Variants in ZNF618 observed in about 807,000 individuals in gnomAD.
The protein encoded by ZNF618 is zinc finger protein 618, also known as neural precursor cell expressed, developmentally down-regulated 10.
Under a neutral mutation model 103.0 loss-of-function variants are expected in ZNF618, and 34 were observed. The ratio of observed to expected loss-of-function variants is 0.33; its 90% CI spans 0.25 to 0.44. The LOEUF (loss-of-function observed/expected upper bound fraction) is 0.44. Among genes scored for constraint, ZNF618 ranks in the 20% least tolerant of loss-of-function variants. The pLI, the probability that ZNF618 is intolerant of heterozygous loss-of-function variation, is 1.00. For missense variants in ZNF618, 1,059 were observed against 1,295.4 expected (o/e 0.82, Z 2.80); for synonymous variants, 551 against 542.2 (o/e 1.02, Z -0.23).
chr9:113,939,563 A>G (rs907359006), intron 1 of ZNF618, among the ~76,000 whole-genome samples: 11 of 152,136 alleles, frequency 7.2e-5, no homozygotes, highest in African/African-American at 2.7e-4. Context: ...CATAGATATA[A>G]TTCGCTTATT....
chr9:113,992,839 G>C (rs1384029074), intron 3 of ZNF618, among the ~76,000 whole-genome samples: 7 of 152,194 alleles, frequency 4.6e-5, no homozygotes, highest in African/African-American at 1.4e-4. Context: ...GTCAGGAGGG[G>C]CATCAGTGCC....
chr9:113,903,891 AATG>A (rs1830758671), intron 1 of ZNF618, among the ~76,000 whole-genome samples: 1 of 151,880 alleles, frequency 6.6e-6, no homozygotes, highest in South Asian at 2.1e-4. Flanking sequence ...CAGTTTGATT[AATG>A]ATGTGTCTGT....
intron 1 of ZNF618, among the ~76,000 whole-genome samples, chr9:113,886,745 C>A (rs1156553602): frequency 6.6e-6 from 1 of 151,810 alleles, no homozygotes; most frequent in East Asian, 1.9e-4. Flanking sequence ...CAGATAGCAT[C>A]TAAGCCTGTG....
chr9:113,999,272 C>T (rs115901360), intron 4 of ZNF618, among the ~76,000 whole-genome samples: 129 of 142,282 alleles, frequency 9.1e-4, no homozygotes, highest in African/African-American at 3.7e-3. Flanking sequence ...GAGGGGCAGG[C>T]GGGGCCCTGG....
chr9:113,893,904 G>A (rs891269037), intron 1 of ZNF618, among the ~76,000 whole-genome samples: 1 of 151,968 alleles, frequency 6.6e-6, no homozygotes, highest in Admixed American at 6.6e-5. Context: ...ACTAGGCTTT[G>A]GGAAGCTTTG....
At chr9:114,025,991 C>T (rs565800868) in intron 10 of ZNF618, among the ~76,000 whole-genome samples, 3 of 152,256 alleles carry the variant, frequency 2.0e-5, no homozygotes, top group Admixed American at 2.0e-4. Flanking sequence ...GGGGAGAGAG[C>T]CATTGTTCAA....
rs1846226227 is a variant in ZNF618, at chr9:114,053,007, G to A, written c.*2840G>A. 6.6e-6 allele frequency: 1 copy of A among 152,202 alleles called. No individual in the cohort carries two copies. The highest frequency in any genetic ancestry group is 1.5e-5 in the Non-Finnish European group (1 of 68,036). The allele number at this position is 152,202 out of a possible 1,614,324, so 9.4% of individuals were successfully genotyped here. A position where few individuals can be genotyped will look rare whatever the true frequency, so the allele number is the denominator to read the frequency against. On this transcript the variant is annotated 3_prime_UTR_variant, in exon 15 of 15. Transcript: ENST00000374126. ...TGGGTACTCAGAAAGCTGTCCTCTG[G>A]GGCTGCCTTGTCCAGTTAGATAACA...
At chr9:113,889,024 C>T (rs890437152) in intron 1 of ZNF618, among the ~76,000 whole-genome samples, 1 of 152,162 alleles carries the variant, frequency 6.6e-6, no homozygotes, top group Non-Finnish European at 1.5e-5. Context: ...TTCATCTTCC[C>T]ACCCACATAC....
At chr9:113,958,088 A>G (rs1385818471) in intron 1 of ZNF618, among the ~76,000 whole-genome samples, 1 of 152,162 alleles carries the variant, frequency 6.6e-6, no homozygotes, top group Non-Finnish European at 1.5e-5. Flanking sequence ...TTCTTTTTAA[A>G]AAAGAAAACA....
chr9:114,017,638 T>C (rs16911662), intron 10 of ZNF618, among the ~76,000 whole-genome samples: 3,182 of 152,222 alleles, frequency 0.021, 99 homozygotes, highest in African/African-American at 0.064. Flanking sequence ...AGCAGCGTTT[T>C]TGGAAGTGTT....
chr9:113,921,222 T>C (rs1832611672), intron 1 of ZNF618, among the ~76,000 whole-genome samples: 1 of 152,248 alleles, frequency 6.6e-6, no homozygotes, highest in African/African-American at 2.4e-5. Flanking sequence ...CCTAGGCAAA[T>C]TATCTCGCCT....
At chr9:114,010,301 C>CAA (rs3034090) in intron 9 of ZNF618, among the ~76,000 whole-genome samples, 2 of 116,956 alleles carry the variant, frequency 1.7e-5, no homozygotes, top group Non-Finnish European at 1.8e-5. Flanking sequence ...GACTCTGTCT[C>CAA]AAAAAAAAAA....
At chr9:113,881,960 G>C (rs982789101) in intron 1 of ZNF618, among the ~76,000 whole-genome samples, 1 of 152,218 alleles carries the variant, frequency 6.6e-6, no homozygotes, top group Non-Finnish European at 1.5e-5. Flanking sequence ...TGAAGTCAAG[G>C]AGTGTGAGTC....
intron 10 of ZNF618, among the ~76,000 whole-genome samples, chr9:114,024,272 T>G (rs183819289): frequency 1.3e-5 from 2 of 152,318 alleles, no homozygotes; most frequent in East Asian, 3.9e-4. Context: ...CATCTAAGTT[T>G]CATTTGGTTT....
At chr9:113,899,530 A>G (rs1259046076) in intron 1 of ZNF618, among the ~76,000 whole-genome samples, 1 of 152,182 alleles carries the variant, frequency 6.6e-6, no homozygotes, top group Non-Finnish European at 1.5e-5. Flanking sequence ...TGTGCACACG[A>G]GGGATCTTGG....
At chr9:113,960,850 G>A (rs1247970894) in intron 1 of ZNF618, among the ~76,000 whole-genome samples, 1 of 152,218 alleles carries the variant, frequency 6.6e-6, no homozygotes, top group African/African-American at 2.4e-5. Flanking sequence ...AAGCTACCAA[G>A]TCCAGAGGGA....
chr9:113,899,586 C>G (rs1830338309), intron 1 of ZNF618, among the ~76,000 whole-genome samples: 1 of 152,206 alleles, frequency 6.6e-6, no homozygotes, highest in African/African-American at 2.4e-5. Flanking sequence ...TGAGGTGGGA[C>G]AGTTCCATCC....
chr9:113,951,451 G>GTA (rs1243318022), intron 1 of ZNF618, among the ~76,000 whole-genome samples: 1 of 10,652 alleles, frequency 9.4e-5, no homozygotes, highest in African/African-American at 3.0e-4. Flanking sequence ...ACATATATGT[G>GTA]TATATATACA....
intron 1 of ZNF618, 134 bp from the exon 2 acceptor site, chr9:113,968,983 C>A: frequency 1.0e-6 from 1 of 985,162 alleles, no homozygotes; most frequent in Non-Finnish European, 1.6e-6. Context: ...CCTGGAGGAG[C>A]GGGACAGGGG....
Sources: gnomAD v4.1 joint callset for allele counts (sites outside exome capture counted in the v4.1 genomes callset) on GRCh38, gnomAD v4.1.1 for gene constraint, MANE v1.5 for transcripts, NCBI Gene and HGNC (gene_info 2026-07-23, HGNC 2026-07-21) for gene names.